The following NME8 variants were observed in gnomAD, a reference collection of about 807,000 sequenced individuals.
NME8 encodes the protein protein NME8.
In NME8, 72 loss-of-function variants were observed where a neutral mutation model predicts 82.3. The ratio of observed to expected loss-of-function variants is 0.87; its 90% CI spans 0.72 to 1.06. NME8 has a LOEUF of 1.06. Among genes scored for constraint, NME8 ranks in the 50% least tolerant of loss-of-function variants. NME8 has a pLI of 0.00. For synonymous variants in NME8, 267 were observed against 228.5 expected, an observed-to-expected ratio of 1.17 and a Z score of -1.52; for missense variants, 712 against 685.4, an observed-to-expected ratio of 1.04 and a Z score of -0.43.
chr7:37,859,505 G>A (rs976833241), intron 6 of NME8, among the ~76,000 whole-genome samples: 1 of 152,178 alleles, frequency 6.6e-6, no homozygotes, highest in East Asian at 1.9e-4. Context: ...CAGCCCAGAA[G>A]TGATAACTGT....
At chr7:37,862,216 C>A in intron 7 of NME8, 72 bp downstream of exon 7, 1 of 979,314 alleles carries the variant, frequency 1.0e-6, no homozygotes, top group Non-Finnish European at 1.7e-6. Context: ...AAATGCACTA[C>A]TGGTGCTAGG....
intron 11 of NME8, among the ~76,000 whole-genome samples, chr7:37,875,687 A>T (rs914775592): frequency 1.3e-5 from 2 of 152,154 alleles, no homozygotes; most frequent in Non-Finnish European, 2.9e-5. Flanking sequence ...TAAAGTATTA[A>T]CACTGATCAT....
rs1583643630 is a variant in NME8 at position 37,888,349 on chromosome 7, T to C, written c.1320T>C (p.Ala440=). The C allele has an allele frequency of 3.7e-6, 6 of 1,613,638 alleles. No individual in the cohort carries two copies. The highest frequency in any genetic ancestry group is 5.1e-6 in the Non-Finnish European group (6 of 1,179,684). Reference sequence around the variant, plus strand: ...ATGGCAGCGATTCATTAGAAACCGCTGAAAGGGAAATACAGCATTTCTTTC... The same window carrying C: ...ATGGCAGCGATTCATTAGAAACCGCCGAAAGGGAAATACAGCATTTCTTTC... ...QLYGSDSLET[A]EREIQHFFPL... is the part of the protein sequence containing the mutation. Residue 440 remains alanine, a synonymous_variant, in exon 15 of 18, where the codon GCT becomes GCC. Coordinates refer to ENST00000199447, the MANE Select transcript of NME8 (RefSeq NM_016616.5).
Position 37,882,607 on chromosome 7 carries a change from GAGAGAGAGAA to G in NME8, c.995-1692_995-1683del, listed in dbSNP as rs1464736417. Among the ~76,000 whole-genome samples the G allele has an allele frequency of 3.3e-3, 260 of 77,932 alleles. 1 individual carries two copies. The highest frequency in any genetic ancestry group is 8.5e-3 in the African/African-American group (215 of 25,342). 51.1% of individuals were successfully genotyped at this position (77,932 alleles called of 152,430 possible). ...AGAAAGAAAGAAAGAAAGAGAGAGAGAGAGAGAGAAAGAAAGAAAGAAAGAAAGAAAGAAA... is the reference window on the plus strand; with the variant it reads ...AGAAAGAAAGAAAGAAAGAGAGAGAGAGAAAGAAAGAAAGAAAGAAAGAAA... On this transcript the variant is annotated intron_variant, in intron 12 of 17. Coordinates refer to ENST00000199447, the MANE Select transcript of NME8 (RefSeq NM_016616.5).
intron 12 of NME8, among the ~76,000 whole-genome samples, chr7:37,878,110 T>A (rs1208926020): frequency 6.6e-6 from 1 of 152,232 alleles, no homozygotes; most frequent in Non-Finnish European, 1.5e-5. Flanking sequence ...TAGCTGTGTA[T>A]GTCCTTTATC....
At chr7:37,888,668 T>C (rs1180791797) in intron 15 of NME8, among the ~76,000 whole-genome samples, 4 of 152,136 alleles carry the variant, frequency 2.6e-5, no homozygotes, top group Admixed American at 2.0e-4. Context: ...AGAAATGATA[T>C]TGAATTTTGC....
intron 12 of NME8, among the ~76,000 whole-genome samples, chr7:37,882,584 A>G (rs1307346215): frequency 1.8e-5 from 1 of 55,682 alleles, no homozygotes; most frequent in Non-Finnish European, 3.6e-5. Flanking sequence ...AGAAAGAAAG[A>G]AAGAAAGAAA....
At position 37,876,980 on chromosome 7, in the gene NME8, C is replaced by A. The variant is rs374455803; in HGVS notation, c.967C>A (p.Arg323=). Reference sequence around the variant, plus strand: ...ATTAGAAAAGACATTGGCATTACTTCGACCAAATCTCTTTCATGAAAGGAA... The same window carrying A: ...ATTAGAAAAGACATTGGCATTACTTAGACCAAATCTCTTTCATGAAAGGAA... ...MKLEKTLALL[R]PNLFHERKDD... Residue 323 remains arginine, a synonymous_variant, in exon 12 of 18, where the codon CGA becomes AGA. Transcript: ENST00000199447. 8.9e-5 allele frequency: 143 copies of A among 1,612,846 alleles called. No homozygotes were observed. The highest frequency in any genetic ancestry group is 1.2e-4 in the Non-Finnish European group (138 of 1,179,344).
At position 37,891,935 on chromosome 7, in the gene NME8, C is replaced by T. The variant is rs962830974; in HGVS notation, c.1400-2531C>T. ...ACTTTCTTATTTCTTGAGCTATTCT[C>T]CTATTTTTTGAACTTGTGTTAAATG... On this transcript the variant is annotated intron_variant, in intron 15 of 17. Coordinates refer to ENST00000199447, the MANE Select transcript of NME8 (RefSeq NM_016616.5). 2.4e-5 allele frequency among the ~76,000 whole-genome samples: 3 copies of T among 126,858 alleles called. No individual in the cohort carries two copies. The Admixed American group carries it at 2.5e-4, about 11-fold the overall frequency. The allele number at this position is 126,858 out of a possible 152,430, so 83.2% of individuals were successfully genotyped here.
intron 11 of NME8, among the ~76,000 whole-genome samples, chr7:37,870,650 G>A (rs1462291234): frequency 1.3e-5 from 2 of 151,898 alleles, no homozygotes; most frequent in East Asian, 1.9e-4. Context: ...GCCTTCCTGG[G>A]CCTCATGCAG....
intron 10 of NME8, 120 bp downstream of exon 10, chr7:37,865,737 G>A: frequency 1.4e-6 from 1 of 708,000 alleles, no homozygotes; most frequent in Non-Finnish European, 2.5e-6. Flanking sequence ...TAAGCTCCTG[G>A]TGTCCCTGTT....
In NME8 at chr7:37,850,300, G is replaced by A. The variant is rs757623095; in HGVS notation, c.33+1G>A. ...CAAAAAACGAGAAGTCCAGTTACAG[G>A]TGGGTCTGACATATCAACAATTCTT... On this transcript the variant is annotated splice_donor_variant, in intron 3 of 17. Coordinates refer to ENST00000199447, the MANE Select transcript of NME8 (RefSeq NM_016616.5). LOFTEE classifies it high-confidence loss of function. 6.2e-7 allele frequency: 1 copy of A among 1,614,134 alleles called. No homozygotes were observed. Among genetic ancestry groups the A allele is most frequent in the South Asian group, 1.1e-5 (1 of 91,076 alleles).
chr7:37,882,597 A>AAGAGAGAGAGAGAG (rs772102601), intron 12 of NME8, among the ~76,000 whole-genome samples: 2 of 82,994 alleles, frequency 2.4e-5, no homozygotes, highest in Admixed American at 1.2e-4. Context: ...GAAAGAAAGA[A>AAGAGAGAGAGAGAG]AGAGAGAGAG....
At chr7:37,891,969 A>G (rs1156645859) in intron 15 of NME8, among the ~76,000 whole-genome samples, 1 of 152,028 alleles carries the variant, frequency 6.6e-6, no homozygotes, top group Non-Finnish European at 1.5e-5. Flanking sequence ...TGTTAAATGT[A>G]CTTTGTCAGA....
At chr7:37,897,334 T>C (rs1007595961) in intron 17 of NME8, among the ~76,000 whole-genome samples, 1 of 152,068 alleles carries the variant, frequency 6.6e-6, no homozygotes, top group African/African-American at 2.4e-5. Flanking sequence ...AGGCTGGGGA[T>C]GCTGCATCCA....
At chr7:37,862,413 C>G (rs1784610575) in intron 7 of NME8, among the ~76,000 whole-genome samples, 1 of 152,010 alleles carries the variant, frequency 6.6e-6, no homozygotes, top group South Asian at 2.1e-4. Flanking sequence ...AAAATGAAAC[C>G]TTTCGGATAG....
At chr7:37,864,570 G>A in intron 9 of NME8, 149 bp downstream of exon 9, 1 of 790,528 alleles carries the variant, frequency 1.3e-6, no homozygotes, top group Non-Finnish European at 2.0e-6. Flanking sequence ...AGTACTTTAT[G>A]TCTTTACAAG....
chr7:37,850,642 C>G lies in NME8; in HGVS notation c.105C>G (p.Tyr35Ter). ...QNKGLTVIDV[Y>*]QAWCGPCRAM... ...ATCATCTTCTAGTGATTGATGTTTA[C>G]CAAGCCTGGTGTGGACCTTGCAGAG... The change falls in exon 5 of 18, where the codon TAC (tyrosine) becomes TAG (stop). Residue 35 changes from tyrosine (Y) to a stop codon, truncating the protein, a stop_gained. Transcript: ENST00000199447. LOFTEE classifies it high-confidence loss of function. The G allele has an allele frequency of 6.2e-7, 1 of 1,610,174 alleles. No homozygotes were observed. Among genetic ancestry groups the G allele is most frequent in the Non-Finnish European group, 8.5e-7 (1 of 1,176,384 alleles).
At chr7:37,883,146 A>G (rs1029346239) in intron 12 of NME8, among the ~76,000 whole-genome samples, 1 of 152,146 alleles carries the variant, frequency 6.6e-6, no homozygotes, top group African/African-American at 2.4e-5. Flanking sequence ...ATGCAGATTT[A>G]CCTTCCCTGA....
Sources: gnomAD v4.1 joint callset for allele counts (sites outside exome capture counted in the v4.1 genomes callset) on GRCh38, gnomAD v4.1.1 for gene constraint, MANE v1.5 for transcripts, NCBI Gene and HGNC (gene_info 2026-07-23, HGNC 2026-07-21) for gene names.